MAGI3: variants seen among roughly 807,000 people sequenced by gnomAD.
The protein encoded by MAGI3 is membrane associated guanylate kinase, WW and PDZ domain containing 3.
A neutral mutation model predicts 121.8 loss-of-function variants in MAGI3; 43 were observed. That is an observed-to-expected ratio of 0.35 (90% confidence interval 0.28 to 0.46). The LOEUF is 0.46. Among genes scored for constraint, MAGI3 ranks in the 20% least tolerant of loss-of-function variants. The pLI, the probability that MAGI3 is intolerant of heterozygous loss-of-function variation, is 1.00. For missense variants in MAGI3, 1,547 were observed against 1,797.3 expected, an observed-to-expected ratio of 0.86 and a Z score of 2.52; for synonymous variants, 553 against 639.3, an observed-to-expected ratio of 0.86 and a Z score of 2.04.
At chr1:113,484,623 TAC>T (rs1168525793) in intron 1 of MAGI3, among the ~76,000 whole-genome samples, 1 of 146,600 alleles carries the variant, frequency 6.8e-6, no homozygotes, top group Non-Finnish European at 1.5e-5. Context: ...TATATATATA[TAC>T]CTACCTTTCT....
chr1:113,510,911 G>A (rs77811171), intron 1 of MAGI3, among the ~76,000 whole-genome samples: 524 of 152,182 alleles, frequency 3.4e-3, no homozygotes, highest in Non-Finnish European at 5.5e-3. Context: ...ATTTCTCTAG[G>A]ATTCTGCATC....
chr1:113,634,049 T>C (rs1159435928), intron 9 of MAGI3, among the ~76,000 whole-genome samples: 1 of 151,878 alleles, frequency 6.6e-6, no homozygotes, highest in Non-Finnish European at 1.5e-5. Context: ...GAGAAGTGTC[T>C]GTTCATGTCC....
chr1:113,585,685 G>A, intron 4 of MAGI3, 89 bp downstream of exon 4: 1 of 1,136,418 alleles, frequency 8.8e-7, no homozygotes, highest in Non-Finnish European at 1.3e-6. Context: ...TTTTTACAAA[G>A]CATATGGAGA....
intron 20 of MAGI3, chr1:113,682,436 G>C: frequency 7.2e-7 from 1 of 1,386,246 alleles, no homozygotes; most frequent in Non-Finnish European, 9.3e-7. Flanking sequence ...ACAGCTTAAT[G>C]CAAGAGAATT....
chr1:113,534,535 C>T (rs1242886776), intron 1 of MAGI3, among the ~76,000 whole-genome samples: 1 of 152,088 alleles, frequency 6.6e-6, no homozygotes, highest in African/African-American at 2.4e-5. Flanking sequence ...CCTGGCTTCC[C>T]CTACCAGTCA....
chr1:113,442,596 G>A (rs989704205), intron 1 of MAGI3, among the ~76,000 whole-genome samples: 9 of 151,146 alleles, frequency 6.0e-5, no homozygotes, highest in Non-Finnish European at 1.2e-4. Flanking sequence ...TATATATAAC[G>A]TACAGGCATA....
intron 3 of MAGI3, among the ~76,000 whole-genome samples, chr1:113,581,708 T>C (rs1172946124): frequency 6.6e-6 from 1 of 152,142 alleles, no homozygotes; most frequent in Non-Finnish European, 1.5e-5. Context: ...AGCAGCTTTA[T>C]CATGTCTCTC....
At chr1:113,659,398 C>A in intron 16 of MAGI3, 133 bp downstream of exon 16, 1 of 755,742 alleles carries the variant, frequency 1.3e-6, no homozygotes. Flanking sequence ...GAGTCTTATT[C>A]TTCCCCTTTT....
At chr1:113,600,752 C>T (rs544247088) in intron 6 of MAGI3, among the ~76,000 whole-genome samples, 1 of 152,174 alleles carries the variant, frequency 6.6e-6, no homozygotes, top group Non-Finnish European at 1.5e-5. Flanking sequence ...AAAAAAGAGT[C>T]CGCATTGCCA....
chr1:113,404,806 AG>A lies in MAGI3; in HGVS notation c.316+13460del, dbSNP rs149248364. 4.1e-3 allele frequency among the ~76,000 whole-genome samples: 622 copies of A among 152,240 alleles called. 4 individuals carry two copies. Among genetic ancestry groups the A allele is most frequent in the African/African-American group, 0.014 (582 of 41,546 alleles). On this transcript the variant is annotated intron_variant, in intron 1 of 20. Transcript: ENST00000307546. ...TGTTAATAGCAGAGCACTGGAGGGA[AG>A]GGCCACAAAACTCTTCACCCCAAGG...
At chr1:113,584,390 T>C (rs1648231653) in intron 3 of MAGI3, among the ~76,000 whole-genome samples, 1 of 152,152 alleles carries the variant, frequency 6.6e-6, no homozygotes, top group African/African-American at 2.4e-5. Flanking sequence ...TTATTTTTAC[T>C]GCAAAAATTA....
chr1:113,456,117 ATTTTTTTT>A (rs35038942), intron 1 of MAGI3, among the ~76,000 whole-genome samples: 13 of 113,248 alleles, frequency 1.1e-4, no homozygotes, highest in African/African-American at 2.3e-4. Flanking sequence ...CGCCCGGCTA[ATTTTTTTT>A]TTTTTTTTTT....
At chr1:113,567,836 A>G (rs1436380629) in intron 2 of MAGI3, among the ~76,000 whole-genome samples, 1 of 152,102 alleles carries the variant, frequency 6.6e-6, no homozygotes, top group African/African-American at 2.4e-5. Flanking sequence ...TTACTATTCA[A>G]CATAGTACTG....
At chr1:113,607,491 A>G (rs1468084317) in intron 6 of MAGI3, among the ~76,000 whole-genome samples, 2 of 152,234 alleles carry the variant, frequency 1.3e-5, no homozygotes, top group African/African-American at 2.4e-5. Flanking sequence ...CTGATTGAAG[A>G]TGATACAAAT....
intron 3 of MAGI3, among the ~76,000 whole-genome samples, chr1:113,583,546 GA>G (rs1648170030): frequency 6.6e-6 from 1 of 151,994 alleles, no homozygotes; most frequent in Non-Finnish European, 1.5e-5. Context: ...ACCTTACTTA[GA>G]AAAAGTGGAC....
chr1:113,577,688 G>A (rs374657989), intron 2 of MAGI3, among the ~76,000 whole-genome samples: 4 of 151,994 alleles, frequency 2.6e-5, no homozygotes, highest in East Asian at 3.9e-4. Flanking sequence ...GAAATATATG[G>A]TAGAATTACA....
At chr1:113,561,062 C>T (rs1165425788) in intron 2 of MAGI3, among the ~76,000 whole-genome samples, 4 of 152,080 alleles carry the variant, frequency 2.6e-5, no homozygotes, top group Non-Finnish European at 5.9e-5. Context: ...CAAGGCTGAA[C>T]CAGGAAGAAA....
intron 2 of MAGI3, among the ~76,000 whole-genome samples, chr1:113,577,853 G>T (rs184267812): frequency 6.6e-6 from 1 of 152,184 alleles, no homozygotes; most frequent in Non-Finnish European, 1.5e-5. Context: ...CTGCCCTTTC[G>T]ATCAGTGCTG....
intron 2 of MAGI3, among the ~76,000 whole-genome samples, chr1:113,551,719 G>A (rs565376578): frequency 2.2e-4 from 34 of 152,110 alleles, no homozygotes; most frequent in African/African-American, 7.7e-4. Context: ...AATATCTTTA[G>A]CCTCAGTTCT....
Sources: allele counts gnomAD v4.1 joint callset (sites outside exome capture counted in the v4.1 genomes callset), GRCh38; gene constraint gnomAD v4.1.1; transcripts MANE v1.5; gene names NCBI Gene and HGNC (gene_info 2026-07-23, HGNC 2026-07-21).